The following TAFA1 variants were observed in gnomAD, a reference collection of about 807,000 sequenced individuals.
TAFA1 encodes chemokine-like protein TAFA-1.
TAFA1 carries 4 observed loss-of-function variants against 18.5 expected under a neutral mutation model. The ratio of observed to expected loss-of-function variants is 0.22; its 90% CI spans 0.11 to 0.49. The LOEUF (loss-of-function observed/expected upper bound fraction) is 0.49. Ranked by LOEUF, TAFA1 falls within the 20% of genes least tolerant of loss-of-function variation. The probability of loss-of-function intolerance (pLI) is 0.98; values close to 1 mark genes in which losing one functional copy is unlikely to be tolerated. For missense variants in TAFA1, 147 were observed against 169.0 expected, an observed-to-expected ratio of 0.87 and a Z score of 0.72; for synonymous variants, 56 against 55.2, an observed-to-expected ratio of 1.01 and a Z score of -0.06.
At chr3:68,329,130 C>T (rs1268369532) in intron 2 of TAFA1, among the ~76,000 whole-genome samples, 1 of 150,018 alleles carries the variant, frequency 6.7e-6, no homozygotes, top group Non-Finnish European at 1.5e-5. Flanking sequence ...CGTCACCCAA[C>T]CTCCGCCTCC....
At chr3:68,139,325 A>G (rs1484844655) in intron 2 of TAFA1, among the ~76,000 whole-genome samples, 2 of 152,214 alleles carry the variant, frequency 1.3e-5, no homozygotes, top group African/African-American at 4.8e-5. Flanking sequence ...CCGTAGAGTG[A>G]ACACTGTTTC....
At chr3:68,478,436 A>C (rs943671663) in intron 3 of TAFA1, among the ~76,000 whole-genome samples, 1 of 152,216 alleles carries the variant, frequency 6.6e-6, no homozygotes, top group Non-Finnish European at 1.5e-5. Flanking sequence ...ACAAGTAAAA[A>C]TTACTTTCAG....
intron 2 of TAFA1, among the ~76,000 whole-genome samples, chr3:68,258,031 G>C (rs1225531797): frequency 6.6e-6 from 1 of 152,178 alleles, no homozygotes; most frequent in African/African-American, 2.4e-5. Context: ...TCATAGATTA[G>C]GAGGAGGCTA....
rs571252912 is a variant in TAFA1, at chr3:68,285,463, CAT to C, written c.119-131807_119-131806del. Among the ~76,000 whole-genome samples, 98 of 151,534 alleles carry C rather than the reference CAT, an allele frequency of 6.5e-4. No individual in the cohort carries two copies. The Middle Eastern group carries it at 0.017, about 27-fold the overall frequency. On this transcript the variant is annotated intron_variant, in intron 2 of 4. Coordinates refer to ENST00000478136, the MANE Select transcript of TAFA1 (RefSeq NM_213609.4). ...TTCAAAAAACATATATATATAGCAACATATATATATAGAAACATGTATATACA... is the reference window on the plus strand; with the variant it reads ...TTCAAAAAACATATATATATAGCAACATATATATAGAAACATGTATATACA...
chr3:68,010,400 A>C (rs938052972), intron 2 of TAFA1, among the ~76,000 whole-genome samples: 24 of 152,318 alleles, frequency 1.6e-4, no homozygotes, highest in Admixed American at 1.4e-3. Context: ...CCTGGATGGC[A>C]CCAGCCAGCC....
chr3:68,337,247 C>G (rs1552711), intron 2 of TAFA1, among the ~76,000 whole-genome samples: 71,482 of 151,666 alleles, frequency 0.47, 17,329 homozygotes, highest in East Asian at 0.72. Context: ...CGAAGGCAGA[C>G]GGGAAGCAGC....
At chr3:68,498,359 G>A (rs991252549) in intron 3 of TAFA1, among the ~76,000 whole-genome samples, 4 of 152,014 alleles carry the variant, frequency 2.6e-5, no homozygotes, top group African/African-American at 9.7e-5. Flanking sequence ...ATTAGTCAAT[G>A]TCCCCACTCT....
intron 2 of TAFA1, among the ~76,000 whole-genome samples, chr3:68,369,181 G>T (rs2069631265): frequency 6.7e-6 from 1 of 149,086 alleles, no homozygotes; most frequent in Non-Finnish European, 1.5e-5. Context: ...ACTTATGTTG[G>T]TGCAGGCACA....
intron 2 of TAFA1, among the ~76,000 whole-genome samples, chr3:68,113,897 GTTTTTT>G (rs35158174): frequency 2.2e-4 from 4 of 18,054 alleles, no homozygotes; most frequent in African/African-American, 3.7e-4. Context: ...AGTTTTTTTT[GTTTTTT>G]TTTTTTTTTT....
At chr3:68,483,078 A>C (rs2072268114) in intron 3 of TAFA1, among the ~76,000 whole-genome samples, 2 of 152,202 alleles carry the variant, frequency 1.3e-5, no homozygotes, top group African/African-American at 4.8e-5. Flanking sequence ...TCAGCAAATA[A>C]AAAGGCATGC....
chr3:68,152,443 C>T (rs766158432), intron 2 of TAFA1, among the ~76,000 whole-genome samples: 2 of 152,114 alleles, frequency 1.3e-5, no homozygotes, highest in Non-Finnish European at 2.9e-5. Context: ...AACCCTGGTG[C>T]AAGTCAGTGA....
chr3:68,258,015 A>G (rs1373110367), intron 2 of TAFA1, among the ~76,000 whole-genome samples: 2 of 152,198 alleles, frequency 1.3e-5, no homozygotes, highest in African/African-American at 2.4e-5. Context: ...GAAGGAAAGA[A>G]AGATGTCATA....
In TAFA1 at chr3:68,004,405, C is replaced by T. The variant is rs747764543; in HGVS notation, c.-301C>T. ...TATCTCCCCATCACTTCAAAGGTCT[C>T]GTCAGGCAGAGGTGACGCCAGGAGA... On this transcript the variant is annotated 5_prime_UTR_variant, in exon 1 of 5. Coordinates refer to ENST00000478136, the MANE Select transcript of TAFA1 (RefSeq NM_213609.4). 1 of 152,136 alleles carries T rather than the reference C, an allele frequency of 6.6e-6. No homozygotes were observed. The highest frequency in any genetic ancestry group is 2.4e-5 in the African/African-American group (1 of 41,400). 9.4% of individuals were successfully genotyped at this position (152,136 alleles called of 1,614,324 possible). A position where few individuals can be genotyped will look rare whatever the true frequency, so the allele number is the denominator to read the frequency against.
At chr3:68,319,545 C>T (rs1313961682) in intron 2 of TAFA1, among the ~76,000 whole-genome samples, 3 of 152,102 alleles carry the variant, frequency 2.0e-5, no homozygotes, top group Non-Finnish European at 1.5e-5. Context: ...GTTGAGAAAC[C>T]CTGCCCGAAT....
intron 3 of TAFA1, among the ~76,000 whole-genome samples, chr3:68,448,594 A>C (rs903535987): frequency 3.3e-5 from 5 of 152,054 alleles, no homozygotes; most frequent in South Asian, 2.1e-4. Flanking sequence ...AGGTTAATGG[A>C]AGGAAAGAGG....
intron 3 of TAFA1, among the ~76,000 whole-genome samples, chr3:68,425,866 T>C (rs2071042092): frequency 6.6e-6 from 1 of 151,800 alleles, no homozygotes; most frequent in South Asian, 2.1e-4. Context: ...AAATTGACTT[T>C]GCATGCCTTT....
At chr3:68,248,265 G>A (rs977169778) in intron 2 of TAFA1, among the ~76,000 whole-genome samples, 2 of 152,194 alleles carry the variant, frequency 1.3e-5, no homozygotes, top group African/African-American at 4.8e-5. Context: ...TTTGTAAAGT[G>A]TAAGGTCAGG....
At chr3:68,083,856 A>G (rs1407469557) in intron 2 of TAFA1, among the ~76,000 whole-genome samples, 1 of 152,164 alleles carries the variant, frequency 6.6e-6, no homozygotes, top group African/African-American at 2.4e-5. Context: ...TAAGTGCAGT[A>G]CATTCTCCAC....
intron 2 of TAFA1, among the ~76,000 whole-genome samples, chr3:68,045,588 T>C (rs1705251271): frequency 1.3e-5 from 2 of 152,250 alleles, no homozygotes; most frequent in Admixed American, 6.5e-5. Context: ...ACTAGATATA[T>C]GGCCAATGGG....
Sources: allele counts gnomAD v4.1 joint callset (sites outside exome capture counted in the v4.1 genomes callset), GRCh38; gene constraint gnomAD v4.1.1; transcripts MANE v1.5; gene names NCBI Gene and HGNC (gene_info 2026-07-23, HGNC 2026-07-21).